Variants in CRACD observed in about 807,000 individuals in gnomAD.
CRACD encodes the protein capping protein inhibiting regulator of actin dynamics, also known as capping protein-inhibiting regulator of actin dynamics.
Under a neutral mutation model 106.8 loss-of-function variants are expected in CRACD, and 56 were observed. That is an observed-to-expected ratio of 0.52 (90% CI 0.42 to 0.66). CRACD has a LOEUF of 0.66. Among genes scored for constraint, CRACD ranks in the 30% least tolerant of loss-of-function variants. The pLI, the probability that CRACD is intolerant of heterozygous loss-of-function variation, is 0.00. For missense variants in CRACD, 1,730 were observed against 1,623.2 expected (o/e 1.07, Z -1.13); for synonymous variants, 754 against 670.8 (o/e 1.12, Z -1.92).
chr4:56,181,237 C>T (rs1360401502), intron 2 of CRACD, among the ~76,000 whole-genome samples: 1 of 152,020 alleles, frequency 6.6e-6, no homozygotes, highest in East Asian at 1.9e-4. Flanking sequence ...GGGGCCTCAT[C>T]GAGGAAAGGC....
chr4:56,175,650 G>A (rs970865590), intron 1 of CRACD, among the ~76,000 whole-genome samples: 9 of 152,122 alleles, frequency 5.9e-5, no homozygotes, highest in African/African-American at 2.2e-4. Context: ...GTTTTTAGCT[G>A]TTGAGTTGTT....
chr4:56,263,613 C>A (rs560256030), intron 2 of CRACD, among the ~76,000 whole-genome samples: 1 of 152,184 alleles, frequency 6.6e-6, no homozygotes, highest in African/African-American at 2.4e-5. Flanking sequence ...GCCCACCCTA[C>A]TTAGCTTATT....
At chr4:56,131,077 T>C (rs1362446631) in intron 1 of CRACD, among the ~76,000 whole-genome samples, 1 of 152,210 alleles carries the variant, frequency 6.6e-6, no homozygotes, top group African/African-American at 2.4e-5. Context: ...GCAGAACATA[T>C]GTTAAATGCA....
chr4:56,133,662 A>T (rs1286138463), intron 1 of CRACD, among the ~76,000 whole-genome samples: 1 of 152,224 alleles, frequency 6.6e-6, no homozygotes, highest in Non-Finnish European at 1.5e-5. Context: ...TAAACATGAA[A>T]TTACAAGGAC....
At chr4:56,075,017 T>C (rs1732791878) in intron 1 of CRACD, among the ~76,000 whole-genome samples, 1 of 152,226 alleles carries the variant, frequency 6.6e-6, no homozygotes, top group Non-Finnish European at 1.5e-5. Flanking sequence ...AAACCTGCTT[T>C]GCATCCCAGG....
At chr4:56,189,866 T>C (rs1285306320) in intron 2 of CRACD, among the ~76,000 whole-genome samples, 1 of 149,244 alleles carries the variant, frequency 6.7e-6, no homozygotes, top group Non-Finnish European at 1.5e-5. Context: ...ATGTGCACAA[T>C]GTGCAGGTTA....
intron 1 of CRACD, among the ~76,000 whole-genome samples, chr4:56,084,239 A>G (rs563683073): frequency 1.3e-5 from 2 of 152,234 alleles, no homozygotes; most frequent in South Asian, 2.1e-4. Flanking sequence ...AAAGTCACGA[A>G]CTACGTTTGG....
chr4:56,320,538 T>C (rs1237089024), intron 8 of CRACD, among the ~76,000 whole-genome samples: 3 of 152,220 alleles, frequency 2.0e-5, no homozygotes, highest in Non-Finnish European at 4.4e-5. Flanking sequence ...TACAAAGTTA[T>C]TTGCATCGTC....
rs575590490 is a variant in CRACD at position 56,287,693 on chromosome 4, A to T, written c.-16-10521A>T. On this transcript the variant is annotated intron_variant, in intron 3 of 10. Transcript: ENST00000682029. ...TCTCCCTGCTCAAAGCGTTGGGATT[A>T]TAGCCATTAGCCACCATGCCTGGCC... Among the ~76,000 whole-genome samples, 792 of 152,278 alleles carry T rather than the reference A, an allele frequency of 5.2e-3. 8 individuals carry two copies. Among genetic ancestry groups the T allele is most frequent in the African/African-American group, 0.018 (762 of 41,542 alleles).
chr4:56,240,885 G>T (rs1360661888), intron 2 of CRACD, among the ~76,000 whole-genome samples: 1 of 152,174 alleles, frequency 6.6e-6, no homozygotes, highest in Non-Finnish European at 1.5e-5. Flanking sequence ...GAGCTGTGCT[G>T]CACCCCCAAG....
intron 1 of CRACD, among the ~76,000 whole-genome samples, chr4:56,125,145 ACTAT>A (rs1205075730): frequency 6.6e-6 from 1 of 152,192 alleles, no homozygotes; most frequent in Non-Finnish European, 1.5e-5. Flanking sequence ...GGACCATGTG[ACTAT>A]CTTTGTCCCC....
At chr4:56,171,029 A>G (rs1736340007) in intron 1 of CRACD, among the ~76,000 whole-genome samples, 1 of 152,200 alleles carries the variant, frequency 6.6e-6, no homozygotes, top group African/African-American at 2.4e-5. Context: ...CATGGTGGTG[A>G]CAGAAATAAC....
intron 2 of CRACD, among the ~76,000 whole-genome samples, chr4:56,205,516 TG>T (rs1276247669): frequency 1.5e-4 from 23 of 152,220 alleles, no homozygotes; most frequent in African/African-American, 5.5e-4. Context: ...TCCGGTTAAA[TG>T]TTTTTTTTTT....
chr4:56,141,050 GA>G (rs1315829019), intron 1 of CRACD, among the ~76,000 whole-genome samples: 2 of 152,184 alleles, frequency 1.3e-5, no homozygotes, highest in Non-Finnish European at 2.9e-5. Context: ...AGTGAAAGAG[GA>G]GGGCTTGTGG....
intron 2 of CRACD, among the ~76,000 whole-genome samples, chr4:56,215,472 T>A (rs983017641): frequency 1.2e-4 from 19 of 152,260 alleles, no homozygotes; most frequent in African/African-American, 4.6e-4. Context: ...TTTAATCCAT[T>A]GCACTTGTGC....
intron 3 of CRACD, among the ~76,000 whole-genome samples, chr4:56,280,036 C>G (rs994754448): frequency 2.3e-4 from 34 of 148,298 alleles, no homozygotes; most frequent in Admixed American, 3.4e-4. Flanking sequence ...AGCAAACTAT[C>G]GCAAGGACAA....
intron 1 of CRACD, among the ~76,000 whole-genome samples, chr4:56,061,682 A>G (rs1269923454): frequency 1.3e-5 from 2 of 152,226 alleles, no homozygotes; most frequent in Admixed American, 1.3e-4. Context: ...ATAAGTATAT[A>G]ATATACCATC....
At chr4:56,089,361 C>T (rs933231737) in intron 1 of CRACD, among the ~76,000 whole-genome samples, 19 of 152,078 alleles carry the variant, frequency 1.2e-4, no homozygotes, top group African/African-American at 2.4e-4. Flanking sequence ...GTTCACTTTG[C>T]GGATTTGTTT....
chr4:56,254,397 GGTT>G (rs60473668), intron 2 of CRACD, among the ~76,000 whole-genome samples: 44,470 of 93,176 alleles, frequency 0.48, 7,115 homozygotes, highest in East Asian at 0.7. Context: ...GTTTTGTGGG[GGTT>G]TTTTTTTTTT....
Sources: allele counts gnomAD v4.1 joint callset (sites outside exome capture counted in the v4.1 genomes callset), GRCh38; gene constraint gnomAD v4.1.1; transcripts MANE v1.5; gene names NCBI Gene and HGNC (gene_info 2026-07-23, HGNC 2026-07-21).